The following RNF138 variants were observed in gnomAD, a reference collection of about 807,000 sequenced individuals.
RNF138 encodes E3 ubiquitin-protein ligase RNF138.
RNF138 carries 12 observed loss-of-function variants against 31.0 expected under a neutral mutation model. The observed-to-expected ratio is 0.39, with a 90% CI of 0.25 to 0.63. The LOEUF is 0.63. Ranked by LOEUF, RNF138 falls within the 20% of genes least tolerant of loss-of-function variation. The pLI, the probability that RNF138 is intolerant of heterozygous loss-of-function variation, is 0.52. For synonymous variants in RNF138, 105 were observed against 99.5 expected (o/e 1.06, Z -0.33); for missense variants, 192 against 300.1 (o/e 0.64, Z 2.66).
At chr18:32,097,934 GTATGTATATA>G (rs760514705) in intron 2 of RNF138, among the ~76,000 whole-genome samples, 40 of 126,428 alleles carry the variant, frequency 3.2e-4, no homozygotes, top group Non-Finnish European at 5.6e-4. Context: ...GTGTATATGT[GTATGTATATA>G]TGTGTGTGTG....
chr18:32,092,739 G>A lies in RNF138; in HGVS notation c.-38G>A, dbSNP rs1284383666. 4.3e-6 allele frequency: 6 copies of A among 1,387,198 alleles called. No homozygotes were observed. The highest frequency in any genetic ancestry group is 5.9e-6 in the Non-Finnish European group (6 of 1,008,966). The allele number at this position is 1,387,198 out of a possible 1,614,324, so 85.9% of individuals were successfully genotyped here. A position where few individuals can be genotyped will look rare whatever the true frequency, so the allele number is the denominator to read the frequency against. The stretch of plus-strand genomic sequence containing the variant: ...GGCCGCCACCGTCACCTCGGCCGCT[G>A]CCGCTGTCGCCATCGCCTTGTTTCC... On this transcript the variant is annotated 5_prime_UTR_variant, in exon 2 of 8. Coordinates refer to ENST00000261593, the MANE Select transcript of RNF138 (RefSeq NM_016271.5).
chr18:32,110,921 C>T (rs1267851898), intron 2 of RNF138, among the ~76,000 whole-genome samples: 1 of 152,080 alleles, frequency 6.6e-6, no homozygotes, highest in Non-Finnish European at 1.5e-5. Flanking sequence ...GCTGAAACTA[C>T]AGGCGCCTGT....
chr18:32,100,333 T>C (rs531844365), intron 2 of RNF138, among the ~76,000 whole-genome samples: 63 of 151,970 alleles, frequency 4.1e-4, no homozygotes, highest in Admixed American at 1.4e-3. Flanking sequence ...TCTCTGTTGC[T>C]CTGTTGCCCA....
At chr18:32,125,186 A>C (rs1459225029) in intron 6 of RNF138, 1 of 182,644 alleles carries the variant, frequency 5.5e-6, no homozygotes, top group East Asian at 1.3e-4. Context: ...ATGGCAGACA[A>C]GTAGATCTAG....
At chr18:32,120,857 G>A (rs1265656687) in intron 4 of RNF138, among the ~76,000 whole-genome samples, 2 of 152,100 alleles carry the variant, frequency 1.3e-5, no homozygotes, top group Non-Finnish European at 2.9e-5. Flanking sequence ...AAACTGCATA[G>A]TACTGGCTGG....
intron 4 of RNF138, among the ~76,000 whole-genome samples, chr18:32,119,725 C>G (rs530598719): frequency 6.1e-4 from 93 of 152,144 alleles, no homozygotes; most frequent in Non-Finnish European, 9.6e-4. Flanking sequence ...CCCCCAGCCT[C>G]TTTCTCATTT....
At chr18:32,111,409 A>G (rs1271711519) in intron 2 of RNF138, among the ~76,000 whole-genome samples, 7 of 152,200 alleles carry the variant, frequency 4.6e-5, no homozygotes, top group Middle Eastern at 3.2e-3. Context: ...CTAAGATTAC[A>G]CAGCTACTAA....
chr18:32,110,491 T>C (rs1489029375), intron 2 of RNF138, among the ~76,000 whole-genome samples: 1 of 152,204 alleles, frequency 6.6e-6, no homozygotes, highest in Admixed American at 6.5e-5. Context: ...AAACTGATAT[T>C]AGAGGGAAAA....
chr18:32,117,009 C>T (rs770285622), intron 4 of RNF138, among the ~76,000 whole-genome samples: 8 of 152,192 alleles, frequency 5.3e-5, no homozygotes, highest in Non-Finnish European at 8.8e-5. Context: ...TCAAGTGATT[C>T]TCCTGCCTAA....
Position 32,130,622 on chromosome 18 carries a change from T to TA in RNF138, c.*1440dup, listed in dbSNP as rs2040459026. On this transcript the variant is annotated 3_prime_UTR_variant, in exon 8 of 8. Transcript: ENST00000261593. ...GCTGCTAATATATACATATATTGTA[T>TA]AAAAAGGTATATTTTGGTTTTGTTA... The TA allele has an allele frequency of 6.6e-6, 1 of 152,480 alleles. No individual in the cohort carries two copies. The allele number at this position is 152,480 out of a possible 1,614,324, so 9.4% of individuals were successfully genotyped here.
intron 6 of RNF138, 29 bp downstream of exon 6, chr18:32,124,874 T>C (rs756843916): frequency 9.4e-7 from 1 of 1,068,236 alleles, no homozygotes; most frequent in South Asian, 1.3e-5. Flanking sequence ...GACAGTCTTC[T>C]GCTTAGAATA....
chr18:32,113,065 G>A (rs902254419), intron 3 of RNF138, among the ~76,000 whole-genome samples: 2 of 152,092 alleles, frequency 1.3e-5, no homozygotes, highest in Non-Finnish European at 2.9e-5. Context: ...AATGTTCCAA[G>A]TATTCCTGGC....
rs535305298 is a variant in RNF138 at position 32,102,778 on chromosome 18, G to C, written c.111-8976G>C. Among the ~76,000 whole-genome samples the C allele has an allele frequency of 7.2e-5, 11 of 152,056 alleles. No individual in the cohort carries two copies. The East Asian group carries it at 1.8e-3, about 24-fold the overall frequency. On this transcript the variant is annotated intron_variant, in intron 2 of 7. Coordinates refer to ENST00000261593, the MANE Select transcript of RNF138 (RefSeq NM_016271.5). ...CTCCTGAGTAGCTGGGATTACAGGTGCGCAACACCACGCCCAGCTAATTTT... is the reference window on the plus strand; with the variant it reads ...CTCCTGAGTAGCTGGGATTACAGGTCCGCAACACCACGCCCAGCTAATTTT...
chr18:32,123,726 C>T (rs1215776900), intron 5 of RNF138, 152 bp downstream of exon 5: 6 of 478,396 alleles, frequency 1.3e-5, no homozygotes, highest in Non-Finnish European at 2.2e-5. Context: ...GATCTTGGCT[C>T]ACTGCAACCT....
intron 4 of RNF138, among the ~76,000 whole-genome samples, chr18:32,114,612 A>G (rs2040185488): frequency 6.6e-6 from 1 of 152,128 alleles, no homozygotes; most frequent in Non-Finnish European, 1.5e-5. Flanking sequence ...TTCTTTATGT[A>G]TCATCACCCA....
intron 2 of RNF138, among the ~76,000 whole-genome samples, chr18:32,102,798 A>G (rs200339274): frequency 6.6e-6 from 1 of 151,774 alleles, no homozygotes; most frequent in East Asian, 1.9e-4. Context: ...ACGCCCAGCT[A>G]ATTTTTATTT....
chr18:32,106,639 A>AT (rs2040033924), intron 2 of RNF138, among the ~76,000 whole-genome samples: 1 of 151,300 alleles, frequency 6.6e-6, no homozygotes, highest in South Asian at 2.1e-4. Flanking sequence ...ATCTCGGTTC[A>AT]TGGCAAGCTC....
intron 2 of RNF138, among the ~76,000 whole-genome samples, chr18:32,096,829 A>T (rs2039815281): frequency 6.6e-6 from 1 of 152,074 alleles, no homozygotes; most frequent in African/African-American, 2.4e-5. Flanking sequence ...CAGGCTCAAG[A>T]AATCTTCCCA....
chr18:32,092,953 C>A, intron 2 of RNF138, 67 bp downstream of exon 2: 1 of 882,836 alleles, frequency 1.1e-6, no homozygotes, highest in Non-Finnish European at 1.6e-6. Context: ...CGGCCCGGGA[C>A]CCCGGGCTGC....
Sources: gnomAD v4.1 joint callset for allele counts (sites outside exome capture counted in the v4.1 genomes callset) on GRCh38, gnomAD v4.1.1 for gene constraint, MANE v1.5 for transcripts, NCBI Gene and HGNC (gene_info 2026-07-23, HGNC 2026-07-21) for gene names.